The following SLC22A25 variants were observed in gnomAD, a reference collection of about 807,000 sequenced individuals.
SLC22A25 encodes the protein MGI:2442751, MGI:2385316, MGI:3042283, MGI:3645714, MGI:3605624, MGI:2442750.
In SLC22A25, 44 loss-of-function variants were observed where a neutral mutation model predicts 45.9. The ratio of observed to expected loss-of-function variants is 0.96; its 90% confidence interval spans 0.75 to 1.23. The LOEUF is 1.23. Among genes scored for constraint, SLC22A25 ranks in the 50% most tolerant of loss-of-function variants. The pLI is 0.00. For synonymous variants in SLC22A25, 283 were observed against 238.6 expected, an observed-to-expected ratio of 1.19 and a Z score of -1.72; for missense variants, 800 against 666.4, an observed-to-expected ratio of 1.20 and a Z score of -2.21.
chr11:63,220,044 G>A lies in SLC22A25; in HGVS notation c.507-2309C>T, dbSNP rs1042355540. The A allele has an allele frequency of 3.6e-5, 46 of 1,276,876 alleles. No homozygotes were observed. In the African/African-American group the frequency reaches 6.4e-4, roughly 18 times the overall value. The allele number at this position is 1,276,876 out of a possible 1,614,324, so 79.1% of individuals were successfully genotyped here. On this transcript the variant is annotated intron_variant, in intron 5 of 11. Transcript: ENST00000306494. ...TTCCTGCCATTTCAGAAGACATACG[G>A]TAAGTTAGAGGGTACCCCAAACTTC...
intron 3 of SLC22A25, among the ~76,000 whole-genome samples, chr11:63,234,714 TGCA>T (rs1441848544): frequency 1.3e-5 from 2 of 152,242 alleles, no homozygotes; most frequent in African/African-American, 4.8e-5. Flanking sequence ...TGTTAGTTGA[TGCA>T]GTTTGTTCCT....
chr11:63,172,241 A>T (rs150207782), intron 9 of SLC22A25, among the ~76,000 whole-genome samples: 6 of 152,202 alleles, frequency 3.9e-5, no homozygotes, highest in Non-Finnish European at 8.8e-5. Context: ...ACAGGCAAAG[A>T]CTTCAGGACT....
intron 7 of SLC22A25, among the ~76,000 whole-genome samples, chr11:63,188,289 C>T (rs1172475441): frequency 1.3e-5 from 2 of 152,110 alleles, no homozygotes; most frequent in Non-Finnish European, 2.9e-5. Flanking sequence ...TGGATGTGTC[C>T]AGGAATTTAT....
intron 3 of SLC22A25, among the ~76,000 whole-genome samples, chr11:63,232,247 G>C (rs2090082528): frequency 6.6e-6 from 1 of 152,134 alleles, no homozygotes; most frequent in Non-Finnish European, 1.5e-5. Context: ...TCACGATATT[G>C]ATTCTTCCTA....
intron 9 of SLC22A25, among the ~76,000 whole-genome samples, chr11:63,175,630 T>C (rs958367365): frequency 6.6e-6 from 1 of 152,080 alleles, no homozygotes; most frequent in Non-Finnish European, 1.5e-5. Context: ...ATTTTTCCTT[T>C]CATCGTTTGT....
intron 7 of SLC22A25, among the ~76,000 whole-genome samples, chr11:63,187,021 A>G (rs377358839): frequency 2.0e-5 from 3 of 152,018 alleles, no homozygotes; most frequent in Non-Finnish European, 4.4e-5. Flanking sequence ...TTGACTTGGC[A>G]ATGTGGGCTC....
At chr11:63,226,567 C>T (rs2089966205) in intron 5 of SLC22A25, among the ~76,000 whole-genome samples, 1 of 152,194 alleles carries the variant, frequency 6.6e-6, no homozygotes, top group Non-Finnish European at 1.5e-5. Context: ...AGGCCACTAC[C>T]ACTAGGACTG....
At chr11:63,199,551 C>T (rs2089172345) in intron 7 of SLC22A25, among the ~76,000 whole-genome samples, 3 of 152,014 alleles carry the variant, frequency 2.0e-5, no homozygotes. Flanking sequence ...CCTCCCCCTC[C>T]CGCCTCCCTC....
intron 9 of SLC22A25, among the ~76,000 whole-genome samples, chr11:63,170,937 C>A (rs971647601): frequency 6.6e-6 from 1 of 152,126 alleles, no homozygotes. Context: ...CAAACTGAAT[C>A]CAGCAGCACA....
chr11:63,184,556 A>G (rs1265631275), intron 7 of SLC22A25, among the ~76,000 whole-genome samples: 1 of 152,164 alleles, frequency 6.6e-6, no homozygotes, highest in Non-Finnish European at 1.5e-5. Context: ...AGAGCACAGG[A>G]CAAGATGTAA....
At chr11:63,216,226 A>G (rs2089707035) in intron 7 of SLC22A25, among the ~76,000 whole-genome samples, 1 of 152,206 alleles carries the variant, frequency 6.6e-6, no homozygotes, top group African/African-American at 2.4e-5. Flanking sequence ...AAAGTAACAG[A>G]TGCTGGCTAG....
At chr11:63,186,535 G>A (rs1221664692) in intron 7 of SLC22A25, among the ~76,000 whole-genome samples, 1 of 151,952 alleles carries the variant, frequency 6.6e-6, no homozygotes, top group Non-Finnish European at 1.5e-5. Context: ...CTGTGCAGAA[G>A]CTCTTTAGTT....
In SLC22A25 at chr11:63,180,623, C is replaced by A. The variant is rs780967054; in HGVS notation, c.1070+37G>T. 8 of 1,414,884 alleles carry A rather than the reference C, an allele frequency of 5.7e-6. No individual in the cohort carries two copies. In the South Asian group the frequency reaches 1.0e-4, roughly 18 times the overall value. The allele number at this position is 1,414,884 out of a possible 1,614,324, so 87.6% of individuals were successfully genotyped here. Reference sequence around the variant, plus strand: ...AATAAGAAATGGATTTATGTCTCCTCTATTTTAACATTCCTCACACACTGC... The same window carrying A: ...AATAAGAAATGGATTTATGTCTCCTATATTTTAACATTCCTCACACACTGC... On this transcript the variant is annotated intron_variant, in intron 9 of 11. Coordinates refer to ENST00000306494, the MANE Select transcript of SLC22A25 (RefSeq NM_199352.6).
chr11:63,177,592 T>G (rs1320177858), intron 9 of SLC22A25, among the ~76,000 whole-genome samples: 1 of 151,720 alleles, frequency 6.6e-6, no homozygotes, highest in East Asian at 1.9e-4. Flanking sequence ...GTAGCCACCA[T>G]TTCACTTATT....
chr11:63,229,800 T>C lies in SLC22A25; in HGVS notation c.-148A>G, dbSNP rs534755375. The C allele has an allele frequency of 3.7e-6, 3 of 811,742 alleles. No homozygotes were observed. Among genetic ancestry groups the C allele is most frequent in the Admixed American group, 3.0e-5 (1 of 33,734 alleles). 50.3% of individuals were successfully genotyped at this position (811,742 alleles called of 1,614,324 possible). On this transcript the variant is annotated 5_prime_UTR_variant, in exon 4 of 12. Transcript: ENST00000306494. ...TTCTTAATGGGCCCTCTCTCCCATC[T>C]GCAGCAGGGTCACGGAAGCAATTTC...
At chr11:63,214,905 T>C (rs777299790) in intron 7 of SLC22A25, among the ~76,000 whole-genome samples, 23 of 152,266 alleles carry the variant, frequency 1.5e-4, no homozygotes, top group Non-Finnish European at 2.5e-4. Flanking sequence ...TCAGTTAGAA[T>C]GGCAATCATT....
intron 1 of SLC22A25, 50 bp from the exon 2 acceptor site, chr11:63,239,185 T>C (rs1213968210): frequency 6.6e-6 from 1 of 152,194 alleles, no homozygotes; most frequent in Non-Finnish European, 1.5e-5. Context: ...AGAGAAAAAA[T>C]GTTTCCTTTC....
At chr11:63,196,986 G>C (rs961920272) in intron 7 of SLC22A25, among the ~76,000 whole-genome samples, 7 of 152,020 alleles carry the variant, frequency 4.6e-5, no homozygotes, top group African/African-American at 1.7e-4. Context: ...GCCAAACCAT[G>C]AGTGAACTCC....
At chr11:63,175,227 T>C (rs2088042548) in intron 9 of SLC22A25, among the ~76,000 whole-genome samples, 1 of 152,164 alleles carries the variant, frequency 6.6e-6, no homozygotes, top group Non-Finnish European at 1.5e-5. Flanking sequence ...ACTAACAGTG[T>C]ACAATGGTTC....
Sources: allele counts gnomAD v4.1 joint callset (sites outside exome capture counted in the v4.1 genomes callset), GRCh38; gene constraint gnomAD v4.1.1; transcripts MANE v1.5; gene names NCBI Gene and HGNC (gene_info 2026-07-23, HGNC 2026-07-21).